Variants in GGA2 observed in about 807,000 individuals in gnomAD.
The protein encoded by GGA2 is ADP-ribosylation factor-binding protein GGA2.
In GGA2, 48 loss-of-function variants were observed where a neutral mutation model predicts 79.5. That is an observed-to-expected ratio of 0.60 (90% confidence interval 0.48 to 0.77). The LOEUF (loss-of-function observed/expected upper bound fraction) is 0.77. GGA2 is among the 30% of genes least tolerant of loss of function. The pLI, the probability that GGA2 is intolerant of heterozygous loss-of-function variation, is 0.00. For missense variants in GGA2, 770 were observed against 774.0 expected, an observed-to-expected ratio of 0.99 and a Z score of 0.06; for synonymous variants, 317 against 302.0, an observed-to-expected ratio of 1.05 and a Z score of -0.51.
intron 1 of GGA2, among the ~76,000 whole-genome samples, chr16:23,502,740 G>A (rs1964933579): frequency 6.6e-6 from 1 of 152,208 alleles, no homozygotes; most frequent in South Asian, 2.1e-4. Context: ...GGCTCCCACT[G>A]ACATGCAGTC....
chr16:23,501,482 C>A, intron 1 of GGA2: 1 of 408,082 alleles, frequency 2.5e-6, no homozygotes, highest in South Asian at 1.8e-5. Flanking sequence ...TTACTTCGAC[C>A]TGTGTGCCTT....
Position 23,466,212 on chromosome 16 carries a change from C to A in GGA2, c.*1378G>T, listed in dbSNP as rs1449463701. ...GAGCTCCAAACAAGTCTTGCAGTTT[C>A]AAAGGTAGAAACCCACCCAGCCAGT... is the stretch of plus-strand genomic sequence containing the variant. On this transcript the variant is annotated 3_prime_UTR_variant, in exon 17 of 17. Transcript: ENST00000309859. 6.6e-6 allele frequency: 1 copy of A among 152,150 alleles called. No homozygotes were observed. The highest frequency in any genetic ancestry group is 1.5e-5 in the Non-Finnish European group (1 of 68,020). The allele number at this position is 152,150 out of a possible 1,614,324, so 9.4% of individuals were successfully genotyped here. A position where few individuals can be genotyped will look rare whatever the true frequency, so the allele number is the denominator to read the frequency against.
rs1213769500 is a variant in GGA2, at chr16:23,476,454, ATAC to A, written c.1293-1396_1293-1394del. Among the ~76,000 whole-genome samples the A allele has an allele frequency of 6.6e-5, 10 of 152,336 alleles. No individual in the cohort carries two copies. The South Asian group carries it at 2.1e-3, about 32-fold the overall frequency. On this transcript the variant is annotated intron_variant, in intron 13 of 16. Transcript: ENST00000309859. ...AGAGAACCTCTCCCTTCAGGGATCT[ATAC>A]TATAAGGCACTCCCCCAAGCACCTC...
rs1046519486 is a variant in GGA2 at position 23,472,566 on chromosome 16, G to A, written c.1450+2338C>T. Reference sequence around the variant, plus strand: ...CTTCAGAGAAGGACTTAATAAGCTGGACATAGTGGCGCATGCCTGTAGTCC... The same window carrying A: ...CTTCAGAGAAGGACTTAATAAGCTGAACATAGTGGCGCATGCCTGTAGTCC... On this transcript the variant is annotated intron_variant, in intron 14 of 16. Transcript: ENST00000309859. 4.0e-5 allele frequency among the ~76,000 whole-genome samples: 6 copies of A among 151,484 alleles called. No homozygotes were observed. The East Asian group carries it at 1.2e-3, about 30-fold the overall frequency.
chr16:23,479,967 A>G lies in GGA2; in HGVS notation c.1007-80T>C, dbSNP rs1964627590. ...CACATAAATCCTATCAGCTTCCCTCAGACCACCTCCTAATCAAATGGTAAC... is the reference window on the plus strand; with the variant it reads ...CACATAAATCCTATCAGCTTCCCTCGGACCACCTCCTAATCAAATGGTAAC... On this transcript the variant is annotated intron_variant, in intron 10 of 16. Coordinates refer to ENST00000309859, the MANE Select transcript of GGA2 (RefSeq NM_015044.4). 2.2e-6 allele frequency: 3 copies of G among 1,372,490 alleles called. No homozygotes were observed. In the Admixed American group the frequency reaches 5.7e-5, roughly 26 times the overall value. 85.0% of individuals were successfully genotyped at this position (1,372,490 alleles called of 1,614,324 possible).
chr16:23,480,679 C>T lies in GGA2; in HGVS notation c.972G>A (p.Val324=), dbSNP rs374479634. The T allele has an allele frequency of 5.0e-6, 8 of 1,613,522 alleles. No individual in the cohort carries two copies. The African/African-American group carries it at 9.3e-5, about 19-fold the overall frequency. ...CAGGGATGTCTCCCAATGAGCTGGT[C>T]ACTCTGTTTCCAAAGGTGACCCGGC... The part of the protein sequence containing the change: ...MEGRVTFGNR[V]TSSLGDIPVS... The change falls in exon 10 of 17, where the codon GTG becomes GTA. Residue 324 remains valine (V), a synonymous_variant. Transcript: ENST00000309859.
intron 15 of GGA2, 54 bp downstream of exon 15, chr16:23,469,942 C>T: frequency 7.6e-7 from 1 of 1,310,732 alleles, no homozygotes; most frequent in Admixed American, 2.6e-5. Context: ...CAGAAAAGAA[C>T]CTGGCACTCA....
At chr16:23,513,999 G>T (rs1176871157), upstream of GGA2, among the ~76,000 whole-genome samples, 1 of 151,840 alleles carries the variant, frequency 6.6e-6, no homozygotes, top group African/African-American at 2.4e-5. Context: ...ATACCATTTT[G>T]TTCAATCCTA....
intron 13 of GGA2, among the ~76,000 whole-genome samples, chr16:23,475,957 C>A (rs1964572303): frequency 8.5e-6 from 1 of 117,742 alleles, no homozygotes. Context: ...AAAACAAAAG[C>A]ACTTAAAATG....
chr16:23,517,671 C>T (rs1054479074), intron 2 of GGA2, among the ~76,000 whole-genome samples: 3 of 152,174 alleles, frequency 2.0e-5, no homozygotes, highest in African/African-American at 4.8e-5. Flanking sequence ...TATTTTTCAT[C>T]CCTCTCCTTG....
chr16:23,518,121 C>G (rs1965114674), intron 2 of GGA2, among the ~76,000 whole-genome samples: 1 of 151,804 alleles, frequency 6.6e-6, no homozygotes, highest in Admixed American at 6.6e-5. Flanking sequence ...CCATGTTGGT[C>G]AGGCTGGTCC....
intron 1 of GGA2, among the ~76,000 whole-genome samples, chr16:23,501,961 T>C (rs1194107876): frequency 6.6e-6 from 1 of 152,106 alleles, no homozygotes; most frequent in African/African-American, 2.4e-5. Context: ...ACACAGCACA[T>C]CCCTGCTCAG....
At chr16:23,484,356 C>T (rs6497666) in intron 8 of GGA2, among the ~76,000 whole-genome samples, 129,802 of 151,926 alleles carry the variant, frequency 0.85, 55,633 homozygotes, top group Middle Eastern at 0.91. Context: ...AGGCAGAAGT[C>T]GTGCGGAGCT....
chr16:23,503,189 C>G (rs1964938734), intron 1 of GGA2, among the ~76,000 whole-genome samples: 1 of 152,130 alleles, frequency 6.6e-6, no homozygotes, highest in South Asian at 2.1e-4. Context: ...TTGGAATATC[C>G]CACTGTCGAT....
intron 1 of GGA2, among the ~76,000 whole-genome samples, chr16:23,520,177 C>T (rs1490684927): frequency 1.4e-5 from 2 of 142,786 alleles, no homozygotes; most frequent in African/African-American, 2.6e-5. Flanking sequence ...CACTTGAACC[C>T]GGGAAGTGGA....
intron 1 of GGA2, among the ~76,000 whole-genome samples, chr16:23,503,911 G>A (rs749267381): frequency 3.9e-5 from 6 of 152,056 alleles, no homozygotes; most frequent in Non-Finnish European, 7.4e-5. Context: ...GAGAAACCCC[G>A]TCTCTACTAA....
chr16:23,480,215 G>A (rs1964630208), intron 10 of GGA2: 2 of 346,158 alleles, frequency 5.8e-6, no homozygotes, highest in Admixed American at 8.7e-5. Flanking sequence ...CACCCACAGT[G>A]CTTGAAAGAC....
upstream of GGA2, among the ~76,000 whole-genome samples, chr16:23,514,186 A>G (rs1473503969): frequency 1.3e-5 from 2 of 151,426 alleles, no homozygotes; most frequent in Admixed American, 1.3e-4. Context: ...GCTCACTGCA[A>G]CCTCTGCCTC....
intron 5 of GGA2, 132 bp downstream of exon 5, chr16:23,491,545 A>C (rs1206011588): frequency 1.7e-6 from 1 of 580,284 alleles, no homozygotes; most frequent in Non-Finnish European, 2.8e-6. Flanking sequence ...AAAAAAAAAA[A>C]AAACTCTACC....
Sources: allele counts gnomAD v4.1 joint callset (sites outside exome capture counted in the v4.1 genomes callset), GRCh38; gene constraint gnomAD v4.1.1; transcripts MANE v1.5; gene names NCBI Gene and HGNC (gene_info 2026-07-23, HGNC 2026-07-21).